The following COLEC11 variants were observed in gnomAD, a reference collection of about 807,000 sequenced individuals.
The protein encoded by COLEC11 is collectin-11.
In COLEC11, 20 loss-of-function variants were observed where a neutral mutation model predicts 27.3. The ratio of observed to expected loss-of-function variants is 0.73; its 90% CI spans 0.51 to 1.06. The LOEUF is 1.06. Ranked by LOEUF, COLEC11 falls within the 50% of genes least tolerant of loss-of-function variation. The pLI is 0.00. For synonymous variants in COLEC11, 163 were observed against 154.7 expected (o/e 1.05, Z -0.40); for missense variants, 310 against 383.0 (o/e 0.81, Z 1.59).
chr2:3,604,591 TG>T (rs1252338467), intron 2 of COLEC11, 121 bp downstream of exon 2: 1 of 1,079,438 alleles, frequency 9.3e-7, no homozygotes, highest in Non-Finnish European at 1.4e-6. Flanking sequence ...CTTACCCCAT[TG>T]GGTCTCAGTT....
chr2:3,601,708 C>T (rs535535272), intron 1 of COLEC11, among the ~76,000 whole-genome samples: 20 of 152,314 alleles, frequency 1.3e-4, no homozygotes, highest in Non-Finnish European at 2.4e-4. Context: ...CTGTCATCTT[C>T]GGCAAGTGAA....
chr2:3,624,060 A>G (rs1664359884), intron 3 of COLEC11, among the ~76,000 whole-genome samples: 1 of 152,008 alleles, frequency 6.6e-6, no homozygotes, highest in Non-Finnish European at 1.5e-5. Flanking sequence ...CTTCTCTTGG[A>G]GAGGGGTGAA....
At chr2:3,599,531 G>A (rs1662075957) in intron 1 of COLEC11, among the ~76,000 whole-genome samples, 1 of 152,222 alleles carries the variant, frequency 6.6e-6, no homozygotes, top group African/African-American at 2.4e-5. Context: ...GTGCCACACT[G>A]GGTCACGGTG....
intron 3 of COLEC11, 123 bp downstream of exon 3, chr2:3,613,505 G>T: frequency 9.9e-7 from 1 of 1,009,512 alleles, no homozygotes; most frequent in South Asian, 1.4e-5. Flanking sequence ...CTGGGTCCCA[G>T]GGAGGCAGAC....
chr2:3,605,708 C>T (rs573784138), intron 2 of COLEC11: 2 of 206,938 alleles, frequency 9.7e-6, no homozygotes, highest in Non-Finnish European at 2.0e-5. Flanking sequence ...GTCTGCGGCT[C>T]TTTTTATTGA....
intron 3 of COLEC11, among the ~76,000 whole-genome samples, chr2:3,630,015 ATGTGTATGTATG>A (rs745523498): frequency 5.3e-5 from 8 of 152,050 alleles, no homozygotes; most frequent in Non-Finnish European, 7.3e-5. Context: ...CATCATGCAT[ATGTGTATGTATG>A]TGTGTTTTTA....
chr2:3,634,592 C>T (rs1482931844), intron 3 of COLEC11, among the ~76,000 whole-genome samples: 1 of 152,228 alleles, frequency 6.6e-6, no homozygotes, highest in Non-Finnish European at 1.5e-5. Context: ...AGTTGCCCTT[C>T]TCTCTCCCTG....
chr2:3,609,352 A>ATTTTTTT (rs567474674), intron 2 of COLEC11, among the ~76,000 whole-genome samples: 3 of 87,490 alleles, frequency 3.4e-5, no homozygotes, highest in Admixed American at 1.1e-4. Context: ...TTTTTCTTTG[A>ATTTTTTT]TTTTTTTTTT....
rs1283617304 is a variant in COLEC11, at chr2:3,633,655, G to T, written c.203-3878G>T. On this transcript the variant is annotated intron_variant, in intron 3 of 6. Transcript: ENST00000349077. ...ACCGACGGGGGAGCGGCGTGAAGAC[G>T]TGGAGGGGGAAATAAGAAGCATAAA... Among the ~76,000 whole-genome samples the T allele has an allele frequency of 2.0e-5, 3 of 152,190 alleles. No homozygotes were observed. In the South Asian group the frequency reaches 6.2e-4, roughly 32 times the overall value.
intron 2 of COLEC11, among the ~76,000 whole-genome samples, chr2:3,607,792 A>C (rs1027996846): frequency 3.3e-5 from 5 of 152,248 alleles, no homozygotes; most frequent in African/African-American, 1.2e-4. Flanking sequence ...TCTTTAAAAC[A>C]ACATTGATAA....
At chr2:3,627,344 T>A in intron 3 of COLEC11, among the ~76,000 whole-genome samples, 1 of 134,602 alleles carries the variant, frequency 7.4e-6, no homozygotes, top group South Asian at 2.3e-4. Context: ...ATGGGGTGGA[T>A]CTGGGCATGA....
intron 3 of COLEC11, among the ~76,000 whole-genome samples, chr2:3,635,161 CTG>C (rs1220992870): frequency 1.0e-3 from 140 of 134,940 alleles, no homozygotes; most frequent in African/African-American, 3.7e-3. Flanking sequence ...ACATCCCCCT[CTG>C]TGCCTCTCCA....
intron 3 of COLEC11, among the ~76,000 whole-genome samples, chr2:3,617,242 A>G (rs114522474): frequency 0.024 from 3,624 of 152,242 alleles, 151 homozygotes; most frequent in African/African-American, 0.081. Flanking sequence ...CTCTCTGATT[A>G]AACTGCATTA....
At chr2:3,595,646 G>A (rs1219507655) in intron 1 of COLEC11, among the ~76,000 whole-genome samples, 1 of 152,198 alleles carries the variant, frequency 6.6e-6, no homozygotes, top group African/African-American at 2.4e-5. Context: ...TCAGAGAGGT[G>A]GGGGAAAGGT....
At chr2:3,643,646 G>T in intron 6 of COLEC11, 81 bp from the exon 7 acceptor site, 2 of 1,606,370 alleles carry the variant, frequency 1.2e-6, no homozygotes, top group Non-Finnish European at 1.7e-6. Flanking sequence ...CTGCCCTGCC[G>T]GCCCCTGCTG....
rs964458276 is a variant in COLEC11, at chr2:3,643,553, G to C, written c.424+14G>C. ...TCATCAAGAATGGTATGTGGCTCCCGGCGCCGCCCTCGCTCCCTCCCACCT... is the reference window on the plus strand; with the variant it reads ...TCATCAAGAATGGTATGTGGCTCCCCGCGCCGCCCTCGCTCCCTCCCACCT... On this transcript the variant is annotated intron_variant, in intron 6 of 6. Coordinates refer to ENST00000349077, the MANE Select transcript of COLEC11 (RefSeq NM_024027.5). The C allele has an allele frequency of 6.2e-6, 10 of 1,611,238 alleles. No individual in the cohort carries two copies. The African/African-American group carries it at 1.2e-4, about 19-fold the overall frequency.
At chr2:3,643,033 C>A (rs1039955607) in intron 5 of COLEC11, among the ~76,000 whole-genome samples, 1 of 152,246 alleles carries the variant, frequency 6.6e-6, no homozygotes, top group African/African-American at 2.4e-5. Flanking sequence ...GCCACTGCGC[C>A]CTTCAGCTCC....
chr2:3,605,135 A>G (rs1662543979), intron 2 of COLEC11: 3 of 465,604 alleles, frequency 6.4e-6, no homozygotes, highest in Non-Finnish European at 1.3e-5. Context: ...CAGGTCCCCA[A>G]GCCTGGGGGA....
chr2:3,613,153 C>T (rs116529365), intron 2 of COLEC11, among the ~76,000 whole-genome samples, 158 bp from the exon 3 acceptor site: 35 of 152,110 alleles, frequency 2.3e-4, no homozygotes, highest in African/African-American at 6.0e-4. Flanking sequence ...CCCAGAGTAG[C>T]GGCTGGGCTG....
Sources: gnomAD v4.1 joint callset for allele counts (sites outside exome capture counted in the v4.1 genomes callset) on GRCh38, gnomAD v4.1.1 for gene constraint, MANE v1.5 for transcripts, NCBI Gene and HGNC (gene_info 2026-07-23, HGNC 2026-07-21) for gene names.